Variants in MDGA2 observed in about 807,000 individuals in gnomAD.
MDGA2 encodes MAM domain containing glycosylphosphatidylinositol anchor 2.
Under a neutral mutation model 117.8 loss-of-function variants are expected in MDGA2, and 40 were observed. That is an observed-to-expected ratio of 0.34 (90% confidence interval 0.26 to 0.44). The LOEUF (loss-of-function observed/expected upper bound fraction) is 0.44. Among genes scored for constraint, MDGA2 ranks in the 20% least tolerant of loss-of-function variants. The probability of loss-of-function intolerance (pLI) is 1.00; values close to 1 mark genes in which losing one functional copy is unlikely to be tolerated. For synonymous variants in MDGA2, 452 were observed against 439.0 expected, an observed-to-expected ratio of 1.03 and a Z score of -0.37; for missense variants, 1,123 against 1,250.6, an observed-to-expected ratio of 0.90 and a Z score of 1.54.
At chr14:47,672,948 T>A (rs1898101944) in intron 1 of MDGA2, among the ~76,000 whole-genome samples, 1 of 152,120 alleles carries the variant, frequency 6.6e-6, no homozygotes, top group Non-Finnish European at 1.5e-5. Context: ...ATCTCTCTCA[T>A]ACACACGTCC....
chr14:47,120,159 G>A (rs1411493751), intron 5 of MDGA2, among the ~76,000 whole-genome samples: 1 of 152,132 alleles, frequency 6.6e-6, no homozygotes, highest in Non-Finnish European at 1.5e-5. Context: ...AAGACTTTAA[G>A]AGTAGCTTCT....
chr14:47,139,804 G>GTA (rs34290479), intron 4 of MDGA2, among the ~76,000 whole-genome samples: 124,193 of 143,098 alleles, frequency 0.87, 54,030 homozygotes, highest in East Asian at 0.97. Context: ...GTATATATAT[G>GTA]TATATATATA....
intron 5 of MDGA2, among the ~76,000 whole-genome samples, chr14:47,120,263 A>T (rs1881580496): frequency 6.6e-6 from 1 of 152,146 alleles, no homozygotes; most frequent in African/African-American, 2.4e-5. Context: ...TGCTTGTGAA[A>T]CCAAGGCAAT....
chr14:47,480,575 A>G (rs969596959), intron 1 of MDGA2, among the ~76,000 whole-genome samples: 6 of 152,010 alleles, frequency 3.9e-5, no homozygotes, highest in African/African-American at 1.4e-4. Context: ...TTTACTAGAC[A>G]TTAATATTAT....
intron 3 of MDGA2, among the ~76,000 whole-genome samples, chr14:47,158,043 TAC>T (rs1883472393): frequency 6.6e-6 from 1 of 151,870 alleles, no homozygotes; most frequent in African/African-American, 2.4e-5. Context: ...ACATTATACA[TAC>T]AGTCATGTGC....
intron 2 of MDGA2, among the ~76,000 whole-genome samples, chr14:47,283,131 T>C (rs542769681): frequency 1.3e-5 from 2 of 152,210 alleles, no homozygotes; most frequent in East Asian, 3.9e-4. Context: ...TTTAAATGTA[T>C]AGATTGTGGT....
Position 47,035,283 on chromosome 14 carries a change from G to A in MDGA2, c.1547C>T (p.Pro516Leu). 6.2e-7 allele frequency: 1 copy of A among 1,613,364 alleles called. No homozygotes were observed. Among genetic ancestry groups the A allele is most frequent in the Non-Finnish European group, 8.5e-7 (1 of 1,179,624 alleles). ...GGTGACCAATGGTGATTTTTCCTGTGGAACAGTCAGATTGGGTGGAACTTG... is the reference window on the plus strand; with the variant it reads ...GGTGACCAATGGTGATTTTTCCTGTAGAACAGTCAGATTGGGTGGAACTTG... The part of the protein sequence containing the change: ...SSTVPPNLTV[P>L]QEKSPLVTRE... The change falls in exon 8 of 17, where the codon CCA (proline) becomes CTA (leucine). Residue 516 changes from proline to leucine, a missense_variant. By Grantham distance (98) the Pro-to-Leu change is moderately conservative. Coordinates refer to ENST00000399232, the MANE Select transcript of MDGA2 (RefSeq NM_001113498.3).
intron 2 of MDGA2, among the ~76,000 whole-genome samples, chr14:47,298,449 G>C (rs1889151495): frequency 6.6e-6 from 1 of 152,146 alleles, no homozygotes; most frequent in Admixed American, 6.5e-5. Context: ...GAAATCTGCT[G>C]ATGAGTGAAT....
chr14:47,345,076 C>T (rs970185313), intron 1 of MDGA2, among the ~76,000 whole-genome samples: 8 of 151,912 alleles, frequency 5.3e-5, no homozygotes, highest in Non-Finnish European at 2.9e-5. Flanking sequence ...TCTCACATTT[C>T]TCTCCTTAGG....
At chr14:47,534,819 A>T (rs1895175888) in intron 1 of MDGA2, among the ~76,000 whole-genome samples, 1 of 152,160 alleles carries the variant, frequency 6.6e-6, no homozygotes, top group Non-Finnish European at 1.5e-5. Flanking sequence ...CAAATTTTAG[A>T]ACTACAGTGA....
chr14:47,613,810 C>G (rs751639211), intron 1 of MDGA2, among the ~76,000 whole-genome samples: 14 of 152,012 alleles, frequency 9.2e-5, no homozygotes, highest in Non-Finnish European at 5.9e-5. Flanking sequence ...AACCCCCATT[C>G]ACTTATTAAA....
intron 2 of MDGA2, among the ~76,000 whole-genome samples, chr14:47,298,648 A>G (rs1328433372): frequency 5.4e-5 from 8 of 147,368 alleles, no homozygotes; most frequent in Admixed American, 6.8e-5. Context: ...TTCCTTATAC[A>G]GTTTGTTGAC....
intron 8 of MDGA2, among the ~76,000 whole-genome samples, chr14:46,969,198 C>A (rs534241533): frequency 2.0e-5 from 3 of 152,080 alleles, no homozygotes; most frequent in African/African-American, 7.2e-5. Flanking sequence ...TGACTATTGC[C>A]GCAATAAACA....
chr14:47,175,651 A>AAAAT (rs1163064254), intron 3 of MDGA2, among the ~76,000 whole-genome samples: 1 of 151,828 alleles, frequency 6.6e-6, no homozygotes, highest in Non-Finnish European at 1.5e-5. Flanking sequence ...GACGTATCTC[A>AAAAT]AAATAATAAG....
At chr14:46,962,758 A>G (rs1200524441) in intron 8 of MDGA2, among the ~76,000 whole-genome samples, 2 of 152,190 alleles carry the variant, frequency 1.3e-5, no homozygotes, top group Non-Finnish European at 2.9e-5. Context: ...GGCTGACTGA[A>G]GGTTACAGTT....
At chr14:47,402,738 G>C (rs746876504) in intron 1 of MDGA2, among the ~76,000 whole-genome samples, 3 of 152,038 alleles carry the variant, frequency 2.0e-5, no homozygotes, top group Non-Finnish European at 4.4e-5. Flanking sequence ...CCTAAAATTT[G>C]CATGGAATAG....
chr14:47,600,582 G>A (rs1896629554), intron 1 of MDGA2, among the ~76,000 whole-genome samples: 1 of 152,008 alleles, frequency 6.6e-6, no homozygotes, highest in South Asian at 2.1e-4. Context: ...CTGTAGTCTT[G>A]ATTTATTGGA....
Position 47,035,053 on chromosome 14 carries a change from T to C in MDGA2, c.1777A>G (p.Asn593Asp). ...ACCAAGGCTTCCCTTGGTTTCACGT[T>C]AAATCCATTGTATTGGCTGGTCTGA... The part of the protein sequence containing the change: ...RCQTSQYNGF[N>D]VKPREALVQL... Residue 593 changes from asparagine (N) to aspartate (D), a missense_variant, in exon 8 of 17, where the codon AAC (asparagine) becomes GAC (aspartate). Asn to Asp is a conservative substitution (Grantham distance 23). Coordinates refer to ENST00000399232, the MANE Select transcript of MDGA2 (RefSeq NM_001113498.3). 1 of 1,614,112 alleles carries C rather than the reference T, an allele frequency of 6.2e-7. No homozygotes were observed. The highest frequency in any genetic ancestry group is 1.1e-5 in the South Asian group (1 of 91,072).
At chr14:47,122,699 T>A (rs1881715084) in intron 5 of MDGA2, among the ~76,000 whole-genome samples, 1 of 152,100 alleles carries the variant, frequency 6.6e-6, no homozygotes, top group Non-Finnish European at 1.5e-5. Context: ...ATCAAGAAAT[T>A]GTAAAATGTA....
Sources: allele counts gnomAD v4.1 joint callset (sites outside exome capture counted in the v4.1 genomes callset), GRCh38; gene constraint gnomAD v4.1.1; transcripts MANE v1.5; gene names NCBI Gene and HGNC (gene_info 2026-07-23, HGNC 2026-07-21).